SLBP: variants seen among roughly 807,000 people sequenced by gnomAD.
SLBP encodes stem-loop histone mRNA binding protein.
A neutral mutation model predicts 39.2 loss-of-function variants in SLBP; 29 were observed. That is an observed-to-expected ratio of 0.74 (90% CI 0.55 to 1.01). The LOEUF (loss-of-function observed/expected upper bound fraction) is 1.01, where lower values mean the gene tolerates loss of function less well. Ranked by LOEUF, SLBP falls within the 50% of genes least tolerant of loss-of-function variation. The pLI, the probability that SLBP is intolerant of heterozygous loss-of-function variation, is 0.00. For missense variants in SLBP, 390 were observed against 350.2 expected, an observed-to-expected ratio of 1.11 and a Z score of -0.91; for synonymous variants, 129 against 118.7, an observed-to-expected ratio of 1.09 and a Z score of -0.57.
chr4:1,699,052 T>C (rs778027408), intron 5 of SLBP, among the ~76,000 whole-genome samples: 2 of 152,158 alleles, frequency 1.3e-5, no homozygotes, highest in Non-Finnish European at 2.9e-5. Context: ...GTGCTGGAAT[T>C]ACAAGCATGA....
intron 2 of SLBP, among the ~76,000 whole-genome samples, chr4:1,707,582 T>G (rs924847517): frequency 3.3e-5 from 5 of 152,168 alleles, no homozygotes; most frequent in African/African-American, 1.2e-4. Flanking sequence ...TGTATCTTAT[T>G]TATACATCAG....
intron 2 of SLBP, among the ~76,000 whole-genome samples, chr4:1,705,826 AAAAT>A (rs1001371595): frequency 2.6e-5 from 4 of 152,212 alleles, no homozygotes; most frequent in African/African-American, 9.6e-5. Context: ...CGTCATCTCC[AAAAT>A]AAATAAATAC....
chr4:1,709,904 G>A (rs558160232), intron 2 of SLBP, among the ~76,000 whole-genome samples: 6 of 151,374 alleles, frequency 4.0e-5, no homozygotes, highest in East Asian at 2.0e-4. Flanking sequence ...CACCGCGCCC[G>A]GCCTACTTCT....
chr4:1,697,158 TAAAAAAAAAA>T (rs59715153), intron 5 of SLBP, among the ~76,000 whole-genome samples: 2 of 32,756 alleles, frequency 6.1e-5, no homozygotes, highest in Admixed American at 1.1e-3. Flanking sequence ...GACTCCACCT[TAAAAAAAAAA>T]AAAAAAAAAA....
At chr4:1,694,387 G>GT (rs1488360380) in intron 7 of SLBP, among the ~76,000 whole-genome samples, 1 of 146,100 alleles carries the variant, frequency 6.8e-6, no homozygotes, top group Non-Finnish European at 1.5e-5. Flanking sequence ...GCAGCACATG[G>GT]TTTTCTTTCT....
intron 2 of SLBP, among the ~76,000 whole-genome samples, chr4:1,708,085 G>GAA (rs35817560): frequency 0.023 from 2,530 of 111,384 alleles, 47 homozygotes; most frequent in South Asian, 0.073. Context: ...TCTCAAAAAC[G>GAA]AAAAAAAAAA....
At chr4:1,705,617 A>G (rs1716487977) in intron 2 of SLBP, among the ~76,000 whole-genome samples, 1 of 152,192 alleles carries the variant, frequency 6.6e-6, no homozygotes, top group Admixed American at 6.5e-5. Flanking sequence ...ATATTTACTG[A>G]GACTGGGTAC....
At chr4:1,710,824 T>G (rs1332115741) in intron 2 of SLBP, among the ~76,000 whole-genome samples, 3 of 147,230 alleles carry the variant, frequency 2.0e-5, no homozygotes, top group Non-Finnish European at 4.5e-5. Flanking sequence ...CCAAGGTGGG[T>G]GGATCACTTG....
At chr4:1,706,443 CCT>C (rs1212167632) in intron 2 of SLBP, among the ~76,000 whole-genome samples, 1 of 152,202 alleles carries the variant, frequency 6.6e-6, no homozygotes, top group Non-Finnish European at 1.5e-5. Flanking sequence ...CAAAGTACCC[CCT>C]GTGCTTGAGT....
At chr4:1,711,006 G>T (rs1368059206) in intron 2 of SLBP, among the ~76,000 whole-genome samples, 20 of 146,216 alleles carry the variant, frequency 1.4e-4, no homozygotes, top group African/African-American at 4.6e-4. Context: ...AGCCAAGATC[G>T]CGTCACCGCA....
In SLBP at chr4:1,703,672, G is replaced by C. The variant is rs41286667; in HGVS notation, c.205C>G (p.Arg69Gly). 3.1e-6 allele frequency: 5 copies of C among 1,613,378 alleles called. No individual in the cohort carries two copies. The South Asian group carries it at 5.5e-5, about 18-fold the overall frequency. ...CTTGCCCAGTCAGAGCATCTGGAAC[G>C]GGGTTTAGGGCCTTCAGGAGTGGTA... is the stretch of plus-strand genomic sequence containing the variant. Reference protein sequence around the residue: ...SFTTPEGPKPRSRCSDWASAV... With the variant: ...SFTTPEGPKPGSRCSDWASAV... The change falls in exon 3 of 8, where the codon CGT becomes GGT. Residue 69 changes from arginine (R) to glycine (G), a missense_variant. Arg to Gly is a moderately radical substitution (Grantham distance 125, BLOSUM62 -2). Coordinates refer to ENST00000489418, the MANE Select transcript of SLBP (RefSeq NM_006527.4).
At chr4:1,702,504 G>A (rs1716363854) in intron 3 of SLBP, among the ~76,000 whole-genome samples, 1 of 152,174 alleles carries the variant, frequency 6.6e-6, no homozygotes, top group African/African-American at 2.4e-5. Context: ...CATTTTTCTT[G>A]AGACCCTGTT....
At position 1,711,886 on chromosome 4, in the gene SLBP, C is replaced by T. The variant is rs1716789932; in HGVS notation, c.164G>A (p.Arg55His). The change falls in exon 2 of 8, where the codon CGC becomes CAC. Residue 55 changes from arginine to histidine, a missense_variant. Transcript: ENST00000489418. ...GTCCCGCGCCCACCTCTCGGGTCTG[C>T]GCTCGGCGCCGCGGTGCTCTGCCTC... ...AEEAEHRGAE[R>H]RPESFTTPEG... 5 of 1,356,822 alleles carry T rather than the reference C, an allele frequency of 3.7e-6. No homozygotes were observed. Among genetic ancestry groups the T allele is most frequent in the Non-Finnish European group, 3.8e-6 (4 of 1,054,070 alleles). 84.0% of individuals were successfully genotyped at this position (1,356,822 alleles called of 1,614,324 possible).
rs1412929553 is a variant in SLBP, at chr4:1,699,612, T to C, written c.431A>G (p.Tyr144Cys). 3 of 1,613,756 alleles carry C rather than the reference T, an allele frequency of 1.9e-6. No individual in the cohort carries two copies. Among genetic ancestry groups the C allele is most frequent in the Non-Finnish European group, 2.5e-6 (3 of 1,179,742 alleles). The change falls in exon 5 of 8, where the codon TAT becomes TGT. Residue 144 changes from tyrosine (Y) to cysteine (C), a missense_variant. By Grantham distance (194) the Tyr-to-Cys change is radical. Transcript: ENST00000489418. The part of the protein sequence containing the change: ...VLMRRQKQIN[Y>C]GKNTIAYDRY... Reference sequence around the variant, plus strand: ...ATCGTAGGCAATTGTGTTCTTCCCATAGTTGATCTGCTTCTGTCTCCTCAT... The same window carrying C: ...ATCGTAGGCAATTGTGTTCTTCCCACAGTTGATCTGCTTCTGTCTCCTCAT...
chr4:1,697,283 C>G (rs1411109978), intron 5 of SLBP, among the ~76,000 whole-genome samples: 1 of 147,166 alleles, frequency 6.8e-6, no homozygotes, highest in East Asian at 2.1e-4. Context: ...GCCTGGCCAA[C>G]AGGGTGAAAC....
At chr4:1,712,014 T>C (rs1324187931) in intron 1 of SLBP, 24 bp from the exon 2 acceptor site, 4 of 1,275,474 alleles carry the variant, frequency 3.1e-6, no homozygotes, top group Non-Finnish European at 4.0e-6. Flanking sequence ...CGCGGTCGGC[T>C]GGGCACGGGA....
chr4:1,694,729 T>C (rs1447550503), intron 7 of SLBP, 45 bp downstream of exon 7: 2 of 1,371,194 alleles, frequency 1.5e-6, no homozygotes, highest in Non-Finnish European at 2.1e-6. Context: ...TTATTAACAA[T>C]TCACCTGCAA....
In SLBP at chr4:1,704,987, G is replaced by A. The variant is rs543379826; in HGVS notation, c.177-1287C>T. Among the ~76,000 whole-genome samples the A allele has an allele frequency of 5.3e-5, 8 of 152,028 alleles. No homozygotes were observed. The South Asian group carries it at 1.7e-3, about 32-fold the overall frequency. On this transcript the variant is annotated intron_variant, in intron 2 of 7. Transcript: ENST00000489418. ...TTGTTGCCAAGACTGCAGTGCAATG[G>A]CATGATCTCAGCTCACTGCAACCTC...
intron 2 of SLBP, among the ~76,000 whole-genome samples, chr4:1,706,690 C>G (rs569329069): frequency 6.6e-6 from 1 of 152,280 alleles, no homozygotes. Flanking sequence ...TCTGTAATCC[C>G]AGCTACTAGG....
Sources: gnomAD v4.1 joint callset for allele counts (sites outside exome capture counted in the v4.1 genomes callset) on GRCh38, gnomAD v4.1.1 for gene constraint, MANE v1.5 for transcripts, NCBI Gene and HGNC (gene_info 2026-07-23, HGNC 2026-07-21) for gene names.